Variants in RAD51B observed in about 807,000 individuals in gnomAD.
RAD51B encodes DNA repair protein RAD51 homolog 2.
In RAD51B, 38 loss-of-function variants were observed where a neutral mutation model predicts 42.2. The observed-to-expected ratio is 0.90, with a 90% confidence interval of 0.70 to 1.18. The LOEUF is 1.18. Among genes scored for constraint, RAD51B ranks in the 50% most tolerant of loss-of-function variants. The probability of loss-of-function intolerance (pLI) is 0.00; values close to 1 mark genes in which losing one functional copy is unlikely to be tolerated. For synonymous variants in RAD51B, 154 were observed against 145.2 expected, an observed-to-expected ratio of 1.06 and a Z score of -0.43; for missense variants, 373 against 400.7, an observed-to-expected ratio of 0.93 and a Z score of 0.59.
In RAD51B at chr14:68,067,931, CAAAAAAAAAA is replaced by C. The variant is rs913150528; in HGVS notation, c.756+180746_756+180755del. Among the ~76,000 whole-genome samples the C allele has an allele frequency of 1.2e-3, 29 of 24,702 alleles. No individual in the cohort carries two copies. In the South Asian group the frequency reaches 0.021, roughly 18 times the overall value. The allele number at this position is 24,702 out of a possible 152,430, so 16.2% of individuals were successfully genotyped here. A position where few individuals can be genotyped will look rare whatever the true frequency, so the allele number is the denominator to read the frequency against. On this transcript the variant is annotated intron_variant, in intron 7 of 10. Coordinates refer to ENST00000471583, the MANE Select transcript of RAD51B (RefSeq NM_133510.4). ...TGTCTGACAGAGCGAGACTCCATCT[CAAAAAAAAAA>C]AAAAAAAAAAAAAAAAAAGAAGGAC...
At chr14:68,238,969 A>G (rs116987138) in intron 7 of RAD51B, among the ~76,000 whole-genome samples, 4,533 of 152,334 alleles carry the variant, frequency 0.03, 138 homozygotes, top group Admixed American at 0.094. Flanking sequence ...GTGAACCACT[A>G]TCAGGAGACA....
rs552909425 is a variant in RAD51B, at chr14:68,240,531, G to C, written c.757-51353G>C. On this transcript the variant is annotated intron_variant, in intron 7 of 10. Coordinates refer to ENST00000471583, the MANE Select transcript of RAD51B (RefSeq NM_133510.4). Reference sequence around the variant, plus strand: ...GAAGTTTCAGCTGGCTCAGGAACTTGCTTTTCATGGTGAATTGCTAGTAGA... The same window carrying C: ...GAAGTTTCAGCTGGCTCAGGAACTTCCTTTTCATGGTGAATTGCTAGTAGA... 2.0e-5 allele frequency among the ~76,000 whole-genome samples: 3 copies of C among 152,340 alleles called. No homozygotes were observed. The South Asian group carries it at 6.2e-4, about 32-fold the overall frequency.
chr14:68,281,314 C>T (rs576027692), intron 7 of RAD51B, among the ~76,000 whole-genome samples: 22 of 152,166 alleles, frequency 1.4e-4, no homozygotes, highest in Non-Finnish European at 2.4e-4. Flanking sequence ...AATAATTGAA[C>T]GCAATAGAAT....
At chr14:67,867,798 G>A (rs1168359073) in intron 5 of RAD51B, among the ~76,000 whole-genome samples, 1 of 152,172 alleles carries the variant, frequency 6.6e-6, no homozygotes, top group East Asian at 1.9e-4. Flanking sequence ...GGAAATATGA[G>A]ACGCAAAAAG....
chr14:67,869,727 C>T (rs1466593247), intron 5 of RAD51B, among the ~76,000 whole-genome samples: 4 of 152,204 alleles, frequency 2.6e-5, no homozygotes, highest in Non-Finnish European at 4.4e-5. Context: ...ATCAGACTAA[C>T]AGCAGATCTC....
intron 10 of RAD51B, among the ~76,000 whole-genome samples, chr14:68,631,178 C>T (rs561786131): frequency 2.0e-5 from 3 of 152,164 alleles, no homozygotes; most frequent in Admixed American, 1.3e-4. Flanking sequence ...AAATTCTGGA[C>T]GTATATGGTC....
chr14:68,272,667 T>TATATATATATATA (rs58531356), intron 7 of RAD51B, among the ~76,000 whole-genome samples: 3 of 4,796 alleles, frequency 6.3e-4, no homozygotes, highest in African/African-American at 2.1e-3. Flanking sequence ...ATATATATAT[T>TATATATATATATA]TTTTTTTTTT....
intron 7 of RAD51B, among the ~76,000 whole-genome samples, chr14:68,146,993 A>G (rs1278632584): frequency 6.6e-6 from 1 of 152,188 alleles, no homozygotes; most frequent in East Asian, 1.9e-4. Flanking sequence ...TTTTGGGTTC[A>G]TCCAGATGGG....
intron 7 of RAD51B, among the ~76,000 whole-genome samples, chr14:68,074,519 C>T (rs912875991): frequency 5.3e-5 from 8 of 152,148 alleles, no homozygotes; most frequent in Admixed American, 4.6e-4. Flanking sequence ...CTGAATTCTA[C>T]GTCTGTCATT....
At chr14:67,937,417 A>G (rs1166355892) in intron 7 of RAD51B, among the ~76,000 whole-genome samples, 3 of 152,182 alleles carry the variant, frequency 2.0e-5, no homozygotes, top group Non-Finnish European at 4.4e-5. Context: ...AATAAAACCA[A>G]CCGGTTCTAG....
intron 8 of RAD51B, among the ~76,000 whole-genome samples, chr14:68,338,252 C>T (rs1236761552): frequency 1.3e-5 from 2 of 152,174 alleles, no homozygotes; most frequent in East Asian, 3.8e-4. Flanking sequence ...TTTACAAGGA[C>T]CCAGGCAACT....
intron 7 of RAD51B, among the ~76,000 whole-genome samples, chr14:68,203,586 G>T (rs2140930325): frequency 6.6e-6 from 1 of 152,294 alleles, no homozygotes. Context: ...TACCGAGAGA[G>T]TCAGCCTGTC....
chr14:68,463,242 A>G (rs1268270404), intron 9 of RAD51B, among the ~76,000 whole-genome samples: 1 of 152,200 alleles, frequency 6.6e-6, no homozygotes, highest in Non-Finnish European at 1.5e-5. Context: ...TTCAGATCAA[A>G]AAAAGGGAGG....
intron 9 of RAD51B, among the ~76,000 whole-genome samples, chr14:68,420,453 G>A (rs191387799): frequency 6.6e-6 from 1 of 152,066 alleles, no homozygotes; most frequent in Non-Finnish European, 1.5e-5. Context: ...TTTATTATAT[G>A]CTAAACAAGA....
intron 10 of RAD51B, among the ~76,000 whole-genome samples, chr14:68,604,462 C>T (rs964200257): frequency 8.5e-5 from 13 of 152,246 alleles, no homozygotes; most frequent in South Asian, 2.1e-4. Flanking sequence ...ACCAGCCAGG[C>T]GGGGCTGCCT....
chr14:68,453,594 T>C (rs1430679164), intron 9 of RAD51B, among the ~76,000 whole-genome samples: 1 of 152,222 alleles, frequency 6.6e-6, no homozygotes, highest in African/African-American at 2.4e-5. Flanking sequence ...CTTGGGACTC[T>C]AGACAAAGCA....
intron 10 of RAD51B, among the ~76,000 whole-genome samples, chr14:68,585,429 G>A (rs1476627548): frequency 6.6e-6 from 1 of 152,154 alleles, no homozygotes; most frequent in African/African-American, 2.4e-5. Context: ...CTTTCCCAGG[G>A]GCTCCTGACG....
rs2139990987 is a variant in RAD51B at position 67,865,070 on chromosome 14, C to A, written c.383C>A (p.Pro128His). Residue 128 changes from proline (P) to histidine (H), a missense_variant, in exon 5 of 11, where the codon CCC becomes CAC. Physicochemically the swap from Pro to His is moderately conservative, Grantham distance 77 (BLOSUM62 -2). Transcript: ENST00000471583. ...CIMMSILATL[P>H]TNMGGLEGAV... Reference sequence around the variant, plus strand: ...ATGATGAGCATTTTGGCTACATTACCCACCAACATGGGAGGATTAGAAGGA... The same window carrying A: ...ATGATGAGCATTTTGGCTACATTACACACCAACATGGGAGGATTAGAAGGA... 1.9e-6 allele frequency: 3 copies of A among 1,578,554 alleles called. No individual in the cohort carries two copies. The highest frequency in any genetic ancestry group is 2.6e-6 in the Non-Finnish European group (3 of 1,160,488).
At chr14:68,381,113 A>G (rs1287913117) in intron 8 of RAD51B, among the ~76,000 whole-genome samples, 2 of 152,150 alleles carry the variant, frequency 1.3e-5, no homozygotes, top group Non-Finnish European at 2.9e-5. Context: ...TCAATTGTCA[A>G]ATTTAGCTGC....
Sources: gnomAD v4.1 joint callset for allele counts (sites outside exome capture counted in the v4.1 genomes callset) on GRCh38, gnomAD v4.1.1 for gene constraint, MANE v1.5 for transcripts, NCBI Gene and HGNC (gene_info 2026-07-23, HGNC 2026-07-21) for gene names.